The following ZDHHC20 variants were observed in gnomAD, a reference collection of about 807,000 sequenced individuals.
ZDHHC20 encodes the protein palmitoyltransferase ZDHHC20.
In ZDHHC20, 43 loss-of-function variants were observed where a neutral mutation model predicts 57.8. The observed-to-expected ratio is 0.74, with a 90% CI of 0.58 to 0.96. ZDHHC20 has a LOEUF of 0.96. Among genes scored for constraint, ZDHHC20 ranks in the 40% least tolerant of loss-of-function variants. ZDHHC20 has a pLI of 0.00. For missense variants in ZDHHC20, 391 were observed against 441.1 expected, an observed-to-expected ratio of 0.89 and a Z score of 1.02; for synonymous variants, 157 against 153.0, an observed-to-expected ratio of 1.03 and a Z score of -0.19.
At position 21,413,790 on chromosome 13, in the gene ZDHHC20, A is replaced by T; in HGVS notation, c.250-18T>A. 6.3e-7 allele frequency: 1 copy of T among 1,589,040 alleles called. No homozygotes were observed. Among genetic ancestry groups the T allele is most frequent in the South Asian group, 1.2e-5 (1 of 86,310 alleles). On this transcript the variant is annotated intron_variant, in intron 3 of 12. Coordinates refer to ENST00000400590, the MANE Select transcript of ZDHHC20 (RefSeq NM_001330059.2). ...AAGTAGAACTATAAAAGGAAAGAGGACTATTAAATTTTTTTAATCCCATGA... is the reference window on the plus strand; with the variant it reads ...AAGTAGAACTATAAAAGGAAAGAGGTCTATTAAATTTTTTTAATCCCATGA...
At chr13:21,384,708 G>A (rs189809561) in intron 9 of ZDHHC20, among the ~76,000 whole-genome samples, 145 of 152,280 alleles carry the variant, frequency 9.5e-4, no homozygotes, top group African/African-American at 3.3e-3. Context: ...TGACTGGGGC[G>A]ATCTCACTGA....
At chr13:21,381,099 C>T (rs999310203) in intron 11 of ZDHHC20, among the ~76,000 whole-genome samples, 18 of 151,864 alleles carry the variant, frequency 1.2e-4, no homozygotes, top group Non-Finnish European at 1.9e-4. Context: ...CTCCGCCTCC[C>T]GGGTTCAAGC....
intron 7 of ZDHHC20, among the ~76,000 whole-genome samples, chr13:21,398,080 G>A (rs1001150820): frequency 6.6e-6 from 1 of 152,128 alleles, no homozygotes. Context: ...AGAACAAAGA[G>A]TCTAAAGTTT....
intron 1 of ZDHHC20, among the ~76,000 whole-genome samples, chr13:21,452,276 G>A (rs1276554889): frequency 6.6e-6 from 1 of 152,162 alleles, no homozygotes; most frequent in Non-Finnish European, 1.5e-5. Flanking sequence ...GGATTGTTGT[G>A]ATGACTGCAA....
intron 7 of ZDHHC20, among the ~76,000 whole-genome samples, chr13:21,392,355 T>C (rs1367759845): frequency 1.3e-5 from 2 of 148,882 alleles, no homozygotes; most frequent in African/African-American, 5.1e-5. Context: ...CCCATATCTA[T>C]ACAAAAATAT....
intron 1 of ZDHHC20, among the ~76,000 whole-genome samples, chr13:21,446,226 G>A (rs931224451): frequency 6.6e-6 from 1 of 152,168 alleles, no homozygotes. Context: ...CTCTTCGGGG[G>A]ATAAGGGAAG....
chr13:21,412,685 T>C (rs1593229155), intron 4 of ZDHHC20, among the ~76,000 whole-genome samples: 1 of 151,566 alleles, frequency 6.6e-6, no homozygotes, highest in Non-Finnish European at 1.5e-5. Flanking sequence ...AATAAAATAA[T>C]AGGCCAGACA....
intron 3 of ZDHHC20, among the ~76,000 whole-genome samples, chr13:21,414,260 T>A (rs1043358602): frequency 5.3e-5 from 8 of 151,642 alleles, no homozygotes; most frequent in Admixed American, 2.0e-4. Context: ...ATTTTTAGCT[T>A]TCGAAAAGTT....
At chr13:21,455,701 G>A (rs1884868544) in intron 1 of ZDHHC20, among the ~76,000 whole-genome samples, 1 of 151,956 alleles carries the variant, frequency 6.6e-6, no homozygotes, top group African/African-American at 2.4e-5. Flanking sequence ...AAGTTACAGA[G>A]GGTAAGATGG....
intron 8 of ZDHHC20, among the ~76,000 whole-genome samples, chr13:21,390,938 T>A (rs184506282): frequency 2.0e-5 from 3 of 152,116 alleles, no homozygotes; most frequent in Admixed American, 2.0e-4. Flanking sequence ...TGAAATACAT[T>A]GTTATGTTTT....
intron 4 of ZDHHC20, among the ~76,000 whole-genome samples, chr13:21,410,287 G>A (rs1003075271): frequency 6.6e-6 from 1 of 152,192 alleles, no homozygotes. Flanking sequence ...CCCTCTAGAT[G>A]TCAGCTGCAG....
chr13:21,423,386 A>T (rs987087058), intron 2 of ZDHHC20, among the ~76,000 whole-genome samples: 1 of 152,144 alleles, frequency 6.6e-6, no homozygotes, highest in South Asian at 2.1e-4. Flanking sequence ...ACTCAGTATC[A>T]TTGCTTTGGC....
chr13:21,417,956 C>A (rs1880205667), intron 3 of ZDHHC20, among the ~76,000 whole-genome samples: 1 of 152,172 alleles, frequency 6.6e-6, no homozygotes, highest in Admixed American at 6.5e-5. Context: ...TACAGGCCTA[C>A]CTCAGTCAGC....
chr13:21,431,136 G>A (rs531851517), intron 1 of ZDHHC20, among the ~76,000 whole-genome samples: 60 of 152,106 alleles, frequency 3.9e-4, no homozygotes, highest in African/African-American at 1.3e-3. Flanking sequence ...CCATTTTCAC[G>A]CTGGTGATAA....
Position 21,372,603 on chromosome 13 carries a change from AATTC to A in ZDHHC20, c.*4089_*4092del, listed in dbSNP as rs1871383449. Reference sequence around the variant, plus strand: ...ACAAGACTTTGTTTATTAATAAAGTAATTCATTATGACTTTTGAAAAAAAAAGTT... The same window carrying A: ...ACAAGACTTTGTTTATTAATAAAGTAATTATGACTTTTGAAAAAAAAAGTT... On this transcript the variant is annotated 3_prime_UTR_variant, in exon 13 of 13. Coordinates refer to ENST00000400590, the MANE Select transcript of ZDHHC20 (RefSeq NM_001330059.2). The A allele has an allele frequency of 6.6e-6, 1 of 152,222 alleles. No homozygotes were observed. The highest frequency in any genetic ancestry group is 1.5e-5 in the Non-Finnish European group (1 of 68,020). 9.4% of individuals were successfully genotyped at this position (152,222 alleles called of 1,614,324 possible). A position where few individuals can be genotyped will look rare whatever the true frequency, so the allele number is the denominator to read the frequency against.
At chr13:21,397,103 T>C (rs1364902883) in intron 7 of ZDHHC20, among the ~76,000 whole-genome samples, 1 of 152,086 alleles carries the variant, frequency 6.6e-6, no homozygotes, top group Non-Finnish European at 1.5e-5. Context: ...ATGTAAGAAA[T>C]CCTCATTTGG....
At chr13:21,411,822 G>C (rs1879256837) in intron 4 of ZDHHC20, among the ~76,000 whole-genome samples, 2 of 152,202 alleles carry the variant, frequency 1.3e-5, no homozygotes, top group Non-Finnish European at 2.9e-5. Flanking sequence ...TCTACCACGT[G>C]ACAAATACTG....
intron 1 of ZDHHC20, among the ~76,000 whole-genome samples, chr13:21,433,827 G>C (rs1330735798): frequency 6.6e-6 from 1 of 152,124 alleles, no homozygotes; most frequent in Non-Finnish European, 1.5e-5. Context: ...CTATCACACA[G>C]AATCTTGCAC....
At chr13:21,439,211 A>C (rs1882872674) in intron 1 of ZDHHC20, among the ~76,000 whole-genome samples, 1 of 152,242 alleles carries the variant, frequency 6.6e-6, no homozygotes, top group African/African-American at 2.4e-5. Flanking sequence ...TTTACAAAAT[A>C]AACCTTGGCC....
Sources: allele counts gnomAD v4.1 joint callset (sites outside exome capture counted in the v4.1 genomes callset), GRCh38; gene constraint gnomAD v4.1.1; transcripts MANE v1.5; gene names NCBI Gene and HGNC (gene_info 2026-07-23, HGNC 2026-07-21).